Variants in TRANK1 observed in about 807,000 individuals in gnomAD.
The protein encoded by TRANK1 is tetratricopeptide repeat and ankyrin repeat containing 1, also known as TPR and ankyrin repeat-containing protein 1.
A neutral mutation model predicts 266.0 loss-of-function variants in TRANK1; 198 were observed. The ratio of observed to expected loss-of-function variants is 0.74; its 90% CI spans 0.66 to 0.84. The LOEUF is 0.84. Among genes scored for constraint, TRANK1 ranks in the 40% least tolerant of loss-of-function variants. TRANK1 has a pLI of 0.00. For missense variants in TRANK1, 3,326 were observed against 3,634.6 expected (o/e 0.92, Z 2.18); for synonymous variants, 1,396 against 1,384.1 (o/e 1.01, Z -0.19).
intron 11 of TRANK1, among the ~76,000 whole-genome samples, chr3:36,859,702 C>T (rs1045429906): frequency 3.9e-5 from 6 of 152,162 alleles, no homozygotes; most frequent in South Asian, 2.1e-4. Context: ...CCAGCAGCTG[C>T]GCACTCACCT....
rs780760436 is a variant in TRANK1, at chr3:36,851,834, G to A, written c.4772C>T (p.Thr1591Met). Residue 1591 changes from threonine to methionine, a missense_variant, in exon 15 of 24, where the codon ACG (threonine) becomes ATG (methionine). Physicochemically the swap from Thr to Met is moderately conservative, Grantham distance 81. Coordinates refer to ENST00000645898, the MANE Select transcript of TRANK1 (RefSeq NM_001329998.2). ...AHQVILVANE[T>M]AKEKIPEELG... is the part of the protein sequence containing the mutation. Reference sequence around the variant, plus strand: ...CTCTTCTGGAATTTTCTCCTTTGCCGTTTCATTGGCCACAAGGATTACCTG... The same window carrying A: ...CTCTTCTGGAATTTTCTCCTTTGCCATTTCATTGGCCACAAGGATTACCTG... The A allele has an allele frequency of 2.7e-5, 43 of 1,602,942 alleles. No individual in the cohort carries two copies. Among genetic ancestry groups the A allele is most frequent in the South Asian group, 4.5e-5 (4 of 88,888 alleles).
chr3:36,918,606 GGAAAGAAAGAAAGAAA>G (rs1180042549), intron 1 of TRANK1, among the ~76,000 whole-genome samples: 1 of 22,134 alleles, frequency 4.5e-5, no homozygotes, highest in African/African-American at 1.6e-4. Context: ...AAGGAAGGAA[GGAAAGAAAGAAAGAAA>G]GAAAGAAAGA....
Position 36,829,579 on chromosome 3 carries a change from G to A in TRANK1, c.8794C>T (p.Arg2932Cys), listed in dbSNP as rs200197053. 3.3e-4 allele frequency: 538 copies of A among 1,613,776 alleles called. 4 individuals carry two copies. Among genetic ancestry groups the A allele is most frequent in the Non-Finnish European group, 5.7e-5 (67 of 1,179,880 alleles). ...ARDWLMKTET[R>C]LKKEGIVQED... ...GACTCCTTACCTTCCTTCTTTAAGC[G>A]GGTCTCTGTTTTCATCAACCAGTCT... Residue 2932 changes from arginine to cysteine, a missense_variant, in exon 23 of 24, where the codon CGC becomes TGC. Arg to Cys is a radical substitution (Grantham distance 180). Transcript: ENST00000645898.
rs766117139 is a variant in TRANK1 at position 36,833,751 on chromosome 3, C to T, written c.5832G>A (p.Lys1944=). The T allele has an allele frequency of 1.9e-6, 3 of 1,614,040 alleles. No homozygotes were observed. The highest frequency in any genetic ancestry group is 4.5e-5 in the East Asian group (2 of 44,892). Residue 1944 remains lysine (K), a synonymous_variant, in exon 22 of 24, where the codon AAG becomes AAA. Transcript: ENST00000645898. ...CAGCTTCTGCTAAGCGTTTCCGAGA[C>T]TTCAAGAACACCAGCTGGTCTTCTA... is the stretch of plus-strand genomic sequence containing the variant. ...LDIEDQLVFL[K]SRKRLAEAAD...
intron 8 of TRANK1, among the ~76,000 whole-genome samples, chr3:36,875,216 G>C (rs1439019419): frequency 6.6e-6 from 1 of 152,204 alleles, no homozygotes; most frequent in East Asian, 1.9e-4. Flanking sequence ...AATATAGGGA[G>C]ATTATCCAGA....
chr3:36,944,305 G>A (rs533823649), intron 1 of TRANK1, among the ~76,000 whole-genome samples: 3 of 152,142 alleles, frequency 2.0e-5, no homozygotes, highest in Non-Finnish European at 4.4e-5. Flanking sequence ...GCCGGGAAGA[G>A]GCCAGCGCGC....
At chr3:36,942,284 C>T (rs1206879594) in intron 1 of TRANK1, among the ~76,000 whole-genome samples, 4 of 151,914 alleles carry the variant, frequency 2.6e-5, no homozygotes, top group Non-Finnish European at 5.9e-5. Context: ...TTGTCTAATC[C>T]CAGATCTAAC....
At chr3:36,860,783 G>A in intron 11 of TRANK1, 123 bp downstream of exon 11, 1 of 1,359,918 alleles carries the variant, frequency 7.4e-7, no homozygotes, top group South Asian at 1.5e-5. Context: ...AATATACAGG[G>A]TAGGCAATGA....
In TRANK1 at chr3:36,855,445, A is replaced by G; in HGVS notation, c.4277T>C (p.Val1426Ala). The G allele has an allele frequency of 1.2e-6, 2 of 1,613,944 alleles. No homozygotes were observed. Among genetic ancestry groups the G allele is most frequent in the Non-Finnish European group, 1.7e-6 (2 of 1,179,882 alleles). The part of the protein sequence containing the change: ...NISRRLSKLR[V>A]LPWSIHELYG... ...GAGCTCGTGGATGGACCATGGGAGC[A>G]CCCTGAGCTTCGACAGCCTCCGGGA... Residue 1426 changes from valine (V) to alanine (A), a missense_variant, in exon 13 of 24, where the codon GTG becomes GCG. By Grantham distance (64) the Val-to-Ala change is moderately conservative (BLOSUM62 0). Coordinates refer to ENST00000645898, the MANE Select transcript of TRANK1 (RefSeq NM_001329998.2).
chr3:36,868,764 T>C (rs1038328773), intron 9 of TRANK1, among the ~76,000 whole-genome samples: 1 of 152,224 alleles, frequency 6.6e-6, no homozygotes, highest in African/African-American at 2.4e-5. Flanking sequence ...AAGGAAGAAG[T>C]ATGACAGACA....
chr3:36,847,157 C>G (rs781065556), intron 16 of TRANK1, 43 bp downstream of exon 16: 10 of 1,572,846 alleles, frequency 6.4e-6, no homozygotes, highest in Admixed American at 3.5e-5. Context: ...TTTTTCACTA[C>G]TTCCATGTCA....
chr3:36,938,195 GT>G (rs1232305763), intron 1 of TRANK1, among the ~76,000 whole-genome samples: 3 of 151,814 alleles, frequency 2.0e-5, no homozygotes, highest in Admixed American at 6.6e-5. Context: ...TAGCCTCTGG[GT>G]TTTTTTGTTT....
intron 1 of TRANK1, among the ~76,000 whole-genome samples, chr3:36,915,196 C>A (rs1193177591): frequency 2.0e-5 from 3 of 152,116 alleles, no homozygotes; most frequent in Non-Finnish European, 4.4e-5. Flanking sequence ...CGTGATCCAC[C>A]CGCCTTGGCC....
At chr3:36,894,663 C>T (rs1439461097) in intron 5 of TRANK1, among the ~76,000 whole-genome samples, 2 of 152,170 alleles carry the variant, frequency 1.3e-5, no homozygotes, top group Non-Finnish European at 2.9e-5. Context: ...GACAAGAGAG[C>T]CCCACAGATT....
intron 1 of TRANK1, among the ~76,000 whole-genome samples, chr3:36,926,907 G>A (rs1484041289): frequency 2.0e-5 from 3 of 152,140 alleles, no homozygotes; most frequent in East Asian, 1.9e-4. Flanking sequence ...AACCTTATTT[G>A]TCAGGCCAGG....
intron 9 of TRANK1, among the ~76,000 whole-genome samples, chr3:36,870,998 TAAA>T: frequency 7.4e-6 from 1 of 134,976 alleles, no homozygotes; most frequent in East Asian, 2.3e-4. Flanking sequence ...CCTAAAACCT[TAAA>T]AACTAAACCA....
At position 36,930,705 on chromosome 3, in the gene TRANK1, A is replaced by C. The variant is rs182845081; in HGVS notation, c.23+14082T>G. Among the ~76,000 whole-genome samples, 387 of 152,358 alleles carry C rather than the reference A, an allele frequency of 2.5e-3. 2 individuals are homozygous for C. Among genetic ancestry groups the C allele is most frequent in the Non-Finnish European group, 2.3e-3 (158 of 68,036 alleles). On this transcript the variant is annotated intron_variant, in intron 1 of 23. Transcript: ENST00000645898. ...CAAAAGAAGCCAGACAAAAGAACAT[A>C]AACTGTGTGATTCCATTTACATGAC...
In TRANK1 at chr3:36,857,658, C is replaced by T. The variant is rs1345875318; in HGVS notation, c.2064G>A (p.Val688=). ...GTGTTCTGGCAGTGGCACCACATGG[C>T]ACTGACTTGAATGAACCCTGGGACT... ...QLKSQGSFKS[V]PCGATARTLP... The change falls in exon 13 of 24, where the codon GTG becomes GTA. Residue 688 remains valine, a synonymous_variant. Coordinates refer to ENST00000645898, the MANE Select transcript of TRANK1 (RefSeq NM_001329998.2). This position sits in a 1 kb window ranked among gnomAD's most constrained non-coding sequence, Gnocchi z 4.3. The T allele has an allele frequency of 1.2e-6, 2 of 1,613,904 alleles. No individual in the cohort carries two copies. The highest frequency in any genetic ancestry group is 1.7e-6 in the Non-Finnish European group (2 of 1,179,894).
At position 36,827,130 on chromosome 3, in the gene TRANK1, G is replaced by C. The variant is rs973104651; in HGVS notation, c.*1145C>G. The C allele has an allele frequency of 1.3e-5, 2 of 152,290 alleles. No individual in the cohort carries two copies. The highest frequency in any genetic ancestry group is 2.9e-5 in the Non-Finnish European group (2 of 68,098). 9.4% of individuals were successfully genotyped at this position (152,290 alleles called of 1,614,324 possible). A position where few individuals can be genotyped will look rare whatever the true frequency, so the allele number is the denominator to read the frequency against. On this transcript the variant is annotated 3_prime_UTR_variant, in exon 24 of 24. Coordinates refer to ENST00000645898, the MANE Select transcript of TRANK1 (RefSeq NM_001329998.2). ...AGGCTGAGCTGAGGGGTGGGGTAAG[G>C]GTGGGCAGTAACCATCAGAGAGGCA...
Sources: allele counts gnomAD v4.1 joint callset (sites outside exome capture counted in the v4.1 genomes callset), GRCh38; gene constraint gnomAD v4.1.1; non-coding constraint Gnocchi (gnomAD v3.1); transcripts MANE v1.5; gene names NCBI Gene and HGNC (gene_info 2026-07-23, HGNC 2026-07-21).